Variants in HDGFL2 observed in about 807,000 individuals in gnomAD.
The protein encoded by HDGFL2 is hepatoma-derived growth factor-related protein 2.
Under a neutral mutation model 77.1 loss-of-function variants are expected in HDGFL2, and 36 were observed. The ratio of observed to expected loss-of-function variants is 0.47; its 90% CI spans 0.36 to 0.62. The LOEUF (loss-of-function observed/expected upper bound fraction) is 0.62. Among genes scored for constraint, HDGFL2 ranks in the 20% least tolerant of loss-of-function variants. The probability of loss-of-function intolerance (pLI) is 0.00; values close to 1 mark genes in which losing one functional copy is unlikely to be tolerated. For synonymous variants in HDGFL2, 463 were observed against 413.1 expected, an observed-to-expected ratio of 1.12 and a Z score of -1.46; for missense variants, 976 against 973.4, an observed-to-expected ratio of 1.00 and a Z score of -0.04.
chr19:4,499,419 G>A, intron 13 of HDGFL2, 72 bp from the exon 14 acceptor site: 1 of 1,411,430 alleles, frequency 7.1e-7, no homozygotes, highest in Non-Finnish European at 9.7e-7. Context: ...CGCATTGCTG[G>A]GGCGAGGGGT....
Position 4,491,589 on chromosome 19 carries a change from A to G in HDGFL2, c.513A>G (p.Arg171=). 1 of 1,613,830 alleles carries G rather than the reference A, an allele frequency of 6.2e-7. No homozygotes were observed. Among genetic ancestry groups the G allele is most frequent in the Non-Finnish European group, 8.5e-7 (1 of 1,180,004 alleles). Residue 171 remains arginine, a synonymous_variant, in exon 5 of 16, where the codon CGA becomes CGG. Coordinates refer to ENST00000616600, the MANE Select transcript of HDGFL2 (RefSeq NM_001001520.3). The part of the protein sequence containing the change: ...ALKMSVSKRA[R]KASSDLDQAS... ...AGATGTCGGTCTCGAAACGAGCCCGAAAGGCCTCCAGCGACCTGGATCAGG... is the reference window on the plus strand; with the variant it reads ...AGATGTCGGTCTCGAAACGAGCCCGGAAGGCCTCCAGCGACCTGGATCAGG...
rs150938312 is a variant in HDGFL2, at chr19:4,487,790, C to T, written c.289-886C>T. On this transcript the variant is annotated intron_variant, in intron 3 of 15. Transcript: ENST00000616600. Reference sequence around the variant, plus strand: ...GTGTGTGACCCGGTCACGTGCCTGGCACATAAGAAGCATCAGATAGGTGTT... The same window carrying T: ...GTGTGTGACCCGGTCACGTGCCTGGTACATAAGAAGCATCAGATAGGTGTT... 3.0e-4 allele frequency among the ~76,000 whole-genome samples: 45 copies of T among 152,276 alleles called. No homozygotes were observed. In the South Asian group the frequency reaches 5.0e-3, roughly 17 times the overall value.
intron 10 of HDGFL2, chr19:4,497,549 T>G: frequency 3.3e-6 from 1 of 299,394 alleles, no homozygotes; most frequent in Non-Finnish European, 6.4e-6. Flanking sequence ...CCATGAGAAT[T>G]CGGCAGGCCG....
intron 3 of HDGFL2, among the ~76,000 whole-genome samples, chr19:4,487,862 G>A (rs1176546574): frequency 6.6e-6 from 1 of 151,898 alleles, no homozygotes; most frequent in African/African-American, 2.4e-5. Flanking sequence ...TTTGAGTGTA[G>A]GAGAAATAGC....
intron 3 of HDGFL2, among the ~76,000 whole-genome samples, chr19:4,482,876 C>T (rs533146234): frequency 1.3e-5 from 2 of 152,198 alleles, no homozygotes; most frequent in East Asian, 3.9e-4. Context: ...CCAGCTCCTC[C>T]TGTGGAAGAT....
chr19:4,485,836 C>G (rs1975345396), intron 3 of HDGFL2, among the ~76,000 whole-genome samples: 1 of 137,456 alleles, frequency 7.3e-6, no homozygotes, highest in Non-Finnish European at 1.5e-5. Context: ...TGCTTAAGCC[C>G]AGGAGTTTGA....
At position 4,493,811 on chromosome 19, in the gene HDGFL2, T is replaced by G. The variant is rs749840571; in HGVS notation, c.787T>G (p.Ser263Ala). Residue 263 changes from serine to alanine, a missense_variant, in exon 7 of 16, where the codon TCC (serine) becomes GCC (alanine). Physicochemically the swap from Ser to Ala is moderately conservative, Grantham distance 99. This residue lies in a region of HDGFL2 where 567 missense variants were observed against 534.7 expected (regional missense o/e 1.06). Transcript: ENST00000616600. Reference sequence around the variant, plus strand: ...GTCCTCCTCCTCCTCTTCCTCCTCCTCCTCCGACTCCGATGTGTCTGTGAA... The same window carrying G: ...GTCCTCCTCCTCCTCTTCCTCCTCCGCCTCCGACTCCGATGTGTCTGTGAA... ...SASSSSSSSS[S>A]SDSDVSVKKP... The G allele has an allele frequency of 3.9e-6, 6 of 1,537,812 alleles. No homozygotes were observed. The highest frequency in any genetic ancestry group is 4.4e-6 in the Non-Finnish European group (5 of 1,138,426).
chr19:4,472,505 C>A, intron 1 of HDGFL2, 83 bp downstream of exon 1: 1 of 835,164 alleles, frequency 1.2e-6, no homozygotes. Context: ...CACTGGAGGG[C>A]CGGGGTTGTC....
intron 4 of HDGFL2, among the ~76,000 whole-genome samples, chr19:4,490,406 C>T (rs1975476671): frequency 1.3e-5 from 2 of 152,164 alleles, no homozygotes; most frequent in Non-Finnish European, 2.9e-5. Context: ...TTTTCCTGGC[C>T]GGGTCAGATT....
chr19:4,487,963 C>T (rs1975405042), intron 3 of HDGFL2, among the ~76,000 whole-genome samples: 1 of 151,260 alleles, frequency 6.6e-6, no homozygotes, highest in South Asian at 2.1e-4. Flanking sequence ...AAAAAGGAAC[C>T]ATTTCTTTTC....
intron 3 of HDGFL2, among the ~76,000 whole-genome samples, chr19:4,480,371 G>A (rs144735063): frequency 1.5e-3 from 223 of 152,254 alleles, no homozygotes; most frequent in African/African-American, 5.1e-3. Flanking sequence ...CCTTCTGGCT[G>A]GTACAAGCCA....
In HDGFL2 at chr19:4,494,306, G is replaced by C; in HGVS notation, c.1055G>C (p.Arg352Pro). 2 of 1,434,848 alleles carry C rather than the reference G, an allele frequency of 1.4e-6. No individual in the cohort carries two copies. Among genetic ancestry groups the C allele is most frequent in the South Asian group, 1.5e-5 (1 of 67,518 alleles). The allele number at this position is 1,434,848 out of a possible 1,614,324, so 88.9% of individuals were successfully genotyped here. A position where few individuals can be genotyped will look rare whatever the true frequency, so the allele number is the denominator to read the frequency against. The change falls in exon 9 of 16, where the codon CGG becomes CCG. Residue 352 changes from arginine (R) to proline (P), a missense_variant. Arg to Pro is a moderately radical substitution (Grantham distance 103). Transcript: ENST00000616600. ...GAGCAGGAGAAGGAGGAGAAGGAGCGGAGGCGCGAGCGGGCCGACCGCGGG... is the reference window on the plus strand; with the variant it reads ...GAGCAGGAGAAGGAGGAGAAGGAGCCGAGGCGCGAGCGGGCCGACCGCGGG... ...LREQEKEEKE[R>P]RRERADRGEA...
chr19:4,500,589 G>A (rs1975841159), intron 14 of HDGFL2, among the ~76,000 whole-genome samples: 1 of 144,296 alleles, frequency 6.9e-6, no homozygotes, highest in South Asian at 2.4e-4. Flanking sequence ...GCCTCCCGAG[G>A]AGCTGGGACT....
rs1007744527 is a variant in HDGFL2, at chr19:4,501,292, T to G, written c.1891T>G (p.Cys631Gly). The G allele has an allele frequency of 2.5e-6, 4 of 1,608,334 alleles. No homozygotes were observed. In the African/African-American group the frequency reaches 5.3e-5, roughly 22 times the overall value. Residue 631 changes from cysteine (C) to glycine (G), a missense_variant, in exon 15 of 16, where the codon TGT becomes GGT. Cys to Gly is a radical substitution (Grantham distance 159). Around this residue, in one of 5 missense-constraint regions of HDGFL2, gnomAD observed 229 missense variants for 187.3 expected, o/e 1.22. Transcript: ENST00000616600. ...TCGGGACTCGGAGGAGGGGCCAAGG[T>G]GTGGCTCCTCTGAAGACCTGCACGA... The part of the protein sequence containing the change: ...EGRDSEEGPR[C>G]GSSEDLHDSV...
intron 3 of HDGFL2, among the ~76,000 whole-genome samples, chr19:4,476,871 T>G (rs1975086404): frequency 6.6e-6 from 1 of 151,888 alleles, no homozygotes; most frequent in Admixed American, 6.6e-5. Flanking sequence ...ACCACACTGC[T>G]TTTGAGGTTT....
Position 4,491,648 on chromosome 19 carries a change from A to G in HDGFL2, c.572A>G (p.Glu191Gly). The G allele has an allele frequency of 6.2e-7, 1 of 1,614,078 alleles. No individual in the cohort carries two copies. Among genetic ancestry groups the G allele is most frequent in the Admixed American group, 1.7e-5 (1 of 60,022 alleles). Reference protein sequence around the residue: ...SVSPSEEENSESSSESEKTSD... With the variant: ...SVSPSEEENSGSSSESEKTSD... ...TCCCCATCCGAAGAGGAGAACTCGG[A>G]AAGCTCATCTGAGTCGGAGAAGACC... The change falls in exon 5 of 16, where the codon GAA becomes GGA. Residue 191 changes from glutamate to glycine, a missense_variant. Around this residue, in one of 5 missense-constraint regions of HDGFL2, gnomAD observed 567 missense variants for 534.7 expected, o/e 1.06. Coordinates refer to ENST00000616600, the MANE Select transcript of HDGFL2 (RefSeq NM_001001520.3).
intron 14 of HDGFL2, 81 bp from the exon 15 acceptor site, chr19:4,501,110 G>C: frequency 6.3e-7 from 1 of 1,574,972 alleles, no homozygotes; most frequent in Non-Finnish European, 8.7e-7. Flanking sequence ...CTTGGCCCCT[G>C]GTCCAGTCCT....
intron 3 of HDGFL2, among the ~76,000 whole-genome samples, chr19:4,478,611 G>A (rs982557463): frequency 1.3e-5 from 2 of 152,012 alleles, no homozygotes; most frequent in Admixed American, 6.6e-5. Context: ...ATGGCAGCTT[G>A]GCCTGGTTCC....
chr19:4,494,592 C>G (rs1281232275), intron 9 of HDGFL2, 117 bp downstream of exon 9: 3 of 722,822 alleles, frequency 4.2e-6, no homozygotes, highest in Middle Eastern at 2.8e-4. Flanking sequence ...GTGCGTGGGC[C>G]CAGAAACTCC....
Sources: allele counts gnomAD v4.1 joint callset (sites outside exome capture counted in the v4.1 genomes callset), GRCh38; gene constraint gnomAD v4.1.1; regional missense constraint gnomAD v4.1.1; transcripts MANE v1.5; gene names NCBI Gene and HGNC (gene_info 2026-07-23, HGNC 2026-07-21).